Variants in CSMD1 observed in about 807,000 individuals in gnomAD.
The protein encoded by CSMD1 is CUB and Sushi multiple domains 1, also known as CUB and sushi domain-containing protein 1.
In CSMD1, 213 loss-of-function variants were observed where a neutral mutation model predicts 417.5. The observed-to-expected ratio is 0.51, with a 90% confidence interval of 0.46 to 0.57. CSMD1 has a LOEUF of 0.57. Ranked by LOEUF, CSMD1 falls within the 20% of genes least tolerant of loss-of-function variation. The pLI is 0.00. For missense variants in CSMD1, 6,923 were observed against 4,529.7 expected (o/e 1.53, Z -15.17); for synonymous variants, 2,862 against 1,736.8 (o/e 1.65, Z -16.11).
At chr8:3,038,243 G>C (rs1023309632) in intron 50 of CSMD1, among the ~76,000 whole-genome samples, 2 of 152,092 alleles carry the variant, frequency 1.3e-5, no homozygotes, top group Non-Finnish European at 2.9e-5. Flanking sequence ...CCAGCAAATA[G>C]GCCTTTGAAG....
Position 3,118,518 on chromosome 8 carries a change from C to T in CSMD1, c.6311G>A (p.Ser2104Asn). ...CTCGAAAGATACTGATTGCCCCACGCTGTAATCCGAGTTGATCATGTACCC... is the reference window on the plus strand; with the variant it reads ...CTCGAAAGATACTGATTGCCCCACGTTGTAATCCGAGTTGATCATGTACCC... ...QNGYMINSDY[S>N]VGQSVSFECY... The change falls in exon 42 of 70, where the codon AGC becomes AAC. Residue 2104 changes from serine to asparagine, a missense_variant. By Grantham distance (46) the Ser-to-Asn change is conservative. Transcript: ENST00000635120. The T allele has an allele frequency of 1.2e-6, 2 of 1,613,912 alleles. No individual in the cohort carries two copies. The highest frequency in any genetic ancestry group is 1.7e-6 in the Non-Finnish European group (2 of 1,179,856).
chr8:4,349,020 C>G (rs1426470202), intron 3 of CSMD1, among the ~76,000 whole-genome samples: 2 of 152,180 alleles, frequency 1.3e-5, no homozygotes, highest in East Asian at 1.9e-4. Flanking sequence ...ACTGTCCACA[C>G]AAGCCGAAAT....
chr8:4,406,749 A>G (rs556456275), intron 3 of CSMD1, among the ~76,000 whole-genome samples: 34 of 152,336 alleles, frequency 2.2e-4, no homozygotes, highest in Non-Finnish European at 4.1e-4. Context: ...ATTGTTTGCC[A>G]ACAAAGAAAA....
intron 49 of CSMD1, among the ~76,000 whole-genome samples, chr8:3,085,547 C>G (rs1814464162): frequency 6.6e-6 from 1 of 152,212 alleles, no homozygotes; most frequent in Non-Finnish European, 1.5e-5. Context: ...ATACCCTGAT[C>G]ATGTTCCCAC....
intron 5 of CSMD1, among the ~76,000 whole-genome samples, chr8:3,956,476 T>C (rs1811955138): frequency 6.6e-6 from 1 of 152,178 alleles, no homozygotes; most frequent in South Asian, 2.1e-4. Context: ...ATCATCCACG[T>C]ACATTCCTAA....
chr8:3,261,853 G>A (rs574023625), intron 26 of CSMD1, among the ~76,000 whole-genome samples: 2 of 152,162 alleles, frequency 1.3e-5, no homozygotes, highest in African/African-American at 4.8e-5. Flanking sequence ...GAAGGCATGC[G>A]GGCCGAGGTC....
At chr8:4,054,490 T>C (rs1024622568) in intron 3 of CSMD1, among the ~76,000 whole-genome samples, 4 of 152,210 alleles carry the variant, frequency 2.6e-5, no homozygotes, top group East Asian at 1.9e-4. Flanking sequence ...TTGGAAGCTT[T>C]TGTCATGTCG....
chr8:3,698,671 A>G (rs982124192), intron 7 of CSMD1, among the ~76,000 whole-genome samples: 7 of 152,162 alleles, frequency 4.6e-5, no homozygotes, highest in African/African-American at 1.7e-4. Flanking sequence ...ATCTAGTAAC[A>G]CGCCTGGTAT....
chr8:4,367,282 G>A (rs1802133420), intron 3 of CSMD1, among the ~76,000 whole-genome samples: 1 of 152,154 alleles, frequency 6.6e-6, no homozygotes, highest in African/African-American at 2.4e-5. Flanking sequence ...CATGAGTCTA[G>A]ACAGTTTTCC....
intron 2 of CSMD1, among the ~76,000 whole-genome samples, chr8:4,547,517 T>G (rs1314043775): frequency 3.3e-5 from 5 of 152,198 alleles, no homozygotes; most frequent in African/African-American, 9.7e-5. Context: ...CAGGTCCCTA[T>G]GCACACTCTG....
At chr8:4,200,783 T>C (rs574968592) in intron 3 of CSMD1, among the ~76,000 whole-genome samples, 120 of 152,342 alleles carry the variant, frequency 7.9e-4, no homozygotes, top group African/African-American at 2.6e-3. Flanking sequence ...GATTTGTTAA[T>C]GGAGACGGAG....
At position 4,461,971 on chromosome 8, in the gene CSMD1, G is replaced by A. The variant is rs549786513; in HGVS notation, c.303-41906C>T. Reference sequence around the variant, plus strand: ...TTAGCCAGGATGGGCTCTATCTCCCGACCTCCTGATCCGCCCACCTCGGCC... The same window carrying A: ...TTAGCCAGGATGGGCTCTATCTCCCAACCTCCTGATCCGCCCACCTCGGCC... On this transcript the variant is annotated intron_variant, in intron 2 of 69. Transcript: ENST00000635120. 1.1e-4 allele frequency among the ~76,000 whole-genome samples: 17 copies of A among 152,006 alleles called. No individual in the cohort carries two copies. The South Asian group carries it at 1.5e-3, about 13-fold the overall frequency.
chr8:4,537,713 C>T (rs140578588), intron 2 of CSMD1, among the ~76,000 whole-genome samples: 3 of 152,288 alleles, frequency 2.0e-5, no homozygotes, highest in African/African-American at 4.8e-5. Flanking sequence ...AAAAGCATGG[C>T]TTCCCCCAGC....
At chr8:4,071,031 T>C (rs937484227) in intron 3 of CSMD1, among the ~76,000 whole-genome samples, 8 of 152,230 alleles carry the variant, frequency 5.3e-5, no homozygotes, top group African/African-American at 1.9e-4. Context: ...GCTTTTTCTC[T>C]GTCTCTTTTG....
At position 4,850,330 on chromosome 8, in the gene CSMD1, T is replaced by G. The variant is rs183483791; in HGVS notation, c.85+144002A>C. Among the ~76,000 whole-genome samples the G allele has an allele frequency of 5.6e-4, 85 of 151,876 alleles. 1 individual carries two copies. Among genetic ancestry groups the G allele is most frequent in the African/African-American group, 2.0e-3 (83 of 41,432 alleles). The stretch of plus-strand genomic sequence containing the variant: ...TCTACGGCTTGTGTTTTTACTGTCT[T>G]AATGGTCTCTTTGAAGAATAAATGT... On this transcript the variant is annotated intron_variant, in intron 1 of 69. Coordinates refer to ENST00000635120, the MANE Select transcript of CSMD1 (RefSeq NM_033225.6).
chr8:4,855,466 C>T (rs868197810), intron 1 of CSMD1, among the ~76,000 whole-genome samples: 1 of 152,016 alleles, frequency 6.6e-6, no homozygotes, highest in Non-Finnish European at 1.5e-5. Context: ...AAATTACTCT[C>T]AGCTACGGGA....
At chr8:3,404,265 G>A (rs1460785111) in intron 15 of CSMD1, among the ~76,000 whole-genome samples, 1 of 151,726 alleles carries the variant, frequency 6.6e-6, no homozygotes, top group Middle Eastern at 3.2e-3. Flanking sequence ...AATCTGGGAG[G>A]CGGAGGTTGC....
chr8:3,961,725 T>C (rs1812339287), intron 5 of CSMD1, among the ~76,000 whole-genome samples: 5 of 152,304 alleles, frequency 3.3e-5, no homozygotes, highest in Admixed American at 2.6e-4. Flanking sequence ...ATGGGAGCAT[T>C]TCCTGCGTAT....
chr8:3,394,094 G>C (rs777312624), intron 17 of CSMD1, among the ~76,000 whole-genome samples: 1 of 139,490 alleles, frequency 7.2e-6, no homozygotes, highest in African/African-American at 2.6e-5. Context: ...TACTCTCTGA[G>C]GGGTACTCCA....
Sources: allele counts gnomAD v4.1 joint callset (sites outside exome capture counted in the v4.1 genomes callset), GRCh38; gene constraint gnomAD v4.1.1; transcripts MANE v1.5; gene names NCBI Gene and HGNC (gene_info 2026-07-23, HGNC 2026-07-21).